The following LSAMP variants were observed in gnomAD, a reference collection of about 807,000 sequenced individuals.
LSAMP encodes limbic system-associated membrane protein.
In LSAMP, 7 loss-of-function variants were observed where a neutral mutation model predicts 38.6. That is an observed-to-expected ratio of 0.18 (90% CI 0.10 to 0.34). The LOEUF (loss-of-function observed/expected upper bound fraction) is 0.34. LSAMP is among the 10% of genes least tolerant of loss of function. The pLI is 1.00. For missense variants in LSAMP, 313 were observed against 420.0 expected (o/e 0.75, Z 2.23); for synonymous variants, 154 against 166.8 (o/e 0.92, Z 0.59).
chr3:116,370,784 C>T (rs2048420752), intron 1 of LSAMP, among the ~76,000 whole-genome samples: 1 of 152,048 alleles, frequency 6.6e-6, no homozygotes, highest in African/African-American at 2.4e-5. Context: ...ATCAACAAAA[C>T]CAGAAGTTGG....
At position 116,139,217 on chromosome 3, in the gene LSAMP, A is replaced by G. The variant is rs1006730440; in HGVS notation, c.156-52661T>C. 3.3e-5 allele frequency among the ~76,000 whole-genome samples: 5 copies of G among 152,094 alleles called. No individual in the cohort carries two copies. The East Asian group carries it at 7.7e-4, about 24-fold the overall frequency. On this transcript the variant is annotated intron_variant, in intron 1 of 6. Transcript: ENST00000490035. ...TAGTATCCTGACTTTTACCAAGTAC[A>G]TTCTCACAAAAGAGCAACTATTCTG...
chr3:115,932,156 AT>A (rs1285897766), intron 3 of LSAMP, among the ~76,000 whole-genome samples: 1 of 152,350 alleles, frequency 6.6e-6, no homozygotes, highest in Non-Finnish European at 1.5e-5. Context: ...TAAAATAGCT[AT>A]CATTTATTAC....
intron 1 of LSAMP, among the ~76,000 whole-genome samples, chr3:116,421,828 G>T (rs1195108234): frequency 6.6e-6 from 1 of 152,200 alleles, no homozygotes; most frequent in East Asian, 1.9e-4. Context: ...TATATTGCTG[G>T]TGGGAACCTA....
chr3:116,185,517 A>T (rs1169214225), intron 1 of LSAMP, among the ~76,000 whole-genome samples: 3 of 151,992 alleles, frequency 2.0e-5, no homozygotes, highest in Non-Finnish European at 2.9e-5. Context: ...TCTTTATACT[A>T]TAAGGTTTTT....
intron 3 of LSAMP, among the ~76,000 whole-genome samples, chr3:116,004,272 G>A (rs980124470): frequency 4.0e-4 from 60 of 151,814 alleles, no homozygotes; most frequent in Non-Finnish European, 4.3e-4. Flanking sequence ...TAAAAATTCA[G>A]GCCAAGGCTA....
intron 1 of LSAMP, among the ~76,000 whole-genome samples, chr3:116,299,259 A>T (rs958519693): frequency 1.3e-4 from 20 of 152,212 alleles, no homozygotes; most frequent in Non-Finnish European, 2.5e-4. Context: ...TTGACATGCT[A>T]AAAGGTCACT....
At chr3:115,958,897 G>A (rs564795905) in intron 3 of LSAMP, among the ~76,000 whole-genome samples, 67 of 152,270 alleles carry the variant, frequency 4.4e-4, no homozygotes, top group Non-Finnish European at 8.1e-4. Flanking sequence ...AGGAGAAGCC[G>A]GTAGACGTGG....
In LSAMP at chr3:115,922,948, A is replaced by G. The variant is rs151154593; in HGVS notation, c.515-70331T>C. On this transcript the variant is annotated intron_variant, in intron 3 of 6. Transcript: ENST00000490035. ...TTTTCTTAGTAGCTACCAAACATCC[A>G]AAGTATGCTGACTTTCTGCCAGCAC... Among the ~76,000 whole-genome samples, 95 of 152,292 alleles carry G rather than the reference A, an allele frequency of 6.2e-4. 1 individual carries two copies. In the Middle Eastern group the frequency reaches 0.014, roughly 22 times the overall value.
rs1933666931 is a variant in LSAMP, at chr3:115,807,925, TC to T, written c.*2391del. 1 of 152,102 alleles carries T rather than the reference TC, an allele frequency of 6.6e-6. No individual in the cohort carries two copies. The highest frequency in any genetic ancestry group is 2.4e-5 in the African/African-American group (1 of 41,414). 9.4% of individuals were successfully genotyped at this position (152,102 alleles called of 1,614,324 possible). On this transcript the variant is annotated 3_prime_UTR_variant, in exon 7 of 7. Coordinates refer to ENST00000490035, the MANE Select transcript of LSAMP (RefSeq NM_002338.5). ...AATCTGCTATAAACACTCTTAACCA[TC>T]CCCAAGCTGAATTTTTCCTTGTATC...
chr3:115,811,382 C>A (rs1377228529), intron 6 of LSAMP, among the ~76,000 whole-genome samples: 1 of 152,152 alleles, frequency 6.6e-6, no homozygotes, highest in African/African-American at 2.4e-5. Context: ...GTTCCATTTT[C>A]TCCATTTGTA....
chr3:116,330,948 G>T (rs576623753), intron 1 of LSAMP, among the ~76,000 whole-genome samples: 1 of 151,932 alleles, frequency 6.6e-6, no homozygotes, highest in Non-Finnish European at 1.5e-5. Flanking sequence ...AGAACTAATG[G>T]CAGATTTACC....
At chr3:116,178,948 G>T (rs530812870) in intron 1 of LSAMP, among the ~76,000 whole-genome samples, 1 of 151,544 alleles carries the variant, frequency 6.6e-6, no homozygotes, top group African/African-American at 2.4e-5. Flanking sequence ...ATCAAATTGG[G>T]TTTTAATCAC....
chr3:115,963,161 C>G (rs962942525), intron 3 of LSAMP, among the ~76,000 whole-genome samples: 32 of 152,178 alleles, frequency 2.1e-4, no homozygotes, highest in Middle Eastern at 3.4e-3. Context: ...TTCGTTGTAA[C>G]AAGGGGTCCA....
At chr3:115,961,042 C>T (rs917631437) in intron 3 of LSAMP, among the ~76,000 whole-genome samples, 2 of 152,152 alleles carry the variant, frequency 1.3e-5, no homozygotes, top group African/African-American at 2.4e-5. Flanking sequence ...CATCAATCCC[C>T]GGGTCTGCTT....
chr3:116,197,155 ACACACACACT>A (rs1414842862), intron 1 of LSAMP, among the ~76,000 whole-genome samples: 2 of 150,532 alleles, frequency 1.3e-5, no homozygotes, highest in African/African-American at 2.5e-5. Flanking sequence ...ACACACACAC[ACACACACACT>A]CTCTCTCTCT....
intron 3 of LSAMP, among the ~76,000 whole-genome samples, chr3:115,908,601 T>C (rs1278554436): frequency 6.6e-6 from 1 of 152,160 alleles, no homozygotes; most frequent in Non-Finnish European, 1.5e-5. Flanking sequence ...ATGCAGCCTC[T>C]GATATTTATA....
At chr3:116,393,400 T>C (rs1282116645) in intron 1 of LSAMP, among the ~76,000 whole-genome samples, 1 of 152,202 alleles carries the variant, frequency 6.6e-6, no homozygotes, top group Non-Finnish European at 1.5e-5. Flanking sequence ...GTGCCCGTTA[T>C]GGCACCTGGA....
chr3:115,892,236 C>T (rs1936616984), intron 3 of LSAMP, among the ~76,000 whole-genome samples: 1 of 151,864 alleles, frequency 6.6e-6, no homozygotes, highest in African/African-American at 2.4e-5. Flanking sequence ...TCCAGTGATC[C>T]CACTTCTAAA....
At chr3:115,892,400 T>C (rs377024355) in intron 3 of LSAMP, among the ~76,000 whole-genome samples, 3 of 151,980 alleles carry the variant, frequency 2.0e-5, no homozygotes, top group Non-Finnish European at 4.4e-5. Flanking sequence ...TATTCACACA[T>C]TGGAAAACCA....
Sources: allele counts gnomAD v4.1 joint callset (sites outside exome capture counted in the v4.1 genomes callset), GRCh38; gene constraint gnomAD v4.1.1; transcripts MANE v1.5; gene names NCBI Gene and HGNC (gene_info 2026-07-23, HGNC 2026-07-21).